Variants in CD160 observed in about 807,000 individuals in gnomAD.
CD160 encodes the protein CD160 molecule.
CD160 carries 11 observed loss-of-function variants against 19.2 expected under a neutral mutation model. The ratio of observed to expected loss-of-function variants is 0.57; its 90% CI spans 0.36 to 0.95. The LOEUF is 0.95. CD160 is among the 40% of genes least tolerant of loss of function. The pLI, the probability that CD160 is intolerant of heterozygous loss-of-function variation, is 0.01. For missense variants in CD160, 182 were observed against 213.2 expected, an observed-to-expected ratio of 0.85 and a Z score of 0.91; for synonymous variants, 75 against 81.1, an observed-to-expected ratio of 0.93 and a Z score of 0.40.
chr1:145,735,873 G>C (rs587619167), intron 4 of CD160, 124 bp from the exon 5 acceptor site: 1 of 689,074 alleles, frequency 1.5e-6, no homozygotes, highest in East Asian at 2.5e-5. Flanking sequence ...ATACTTATTT[G>C]GGCAACGAAT....
At chr1:145,729,225 C>G (rs1342608545) in intron 3 of CD160, among the ~76,000 whole-genome samples, 2 of 152,168 alleles carry the variant, frequency 1.3e-5, no homozygotes, top group Non-Finnish European at 2.9e-5. Context: ...ATCTCTTACT[C>G]TTGTAGGAGA....
At position 145,722,952 on chromosome 1, in the gene CD160, G is replaced by A. The variant is rs587602325; in HGVS notation, c.-178-1849G>A. Among the ~76,000 whole-genome samples the A allele has an allele frequency of 1.6e-4, 24 of 152,224 alleles. No individual in the cohort carries two copies. The South Asian group carries it at 5.0e-3, about 32-fold the overall frequency. On this transcript the variant is annotated intron_variant, in intron 1 of 5. Transcript: ENST00000369288. The stretch of plus-strand genomic sequence containing the variant: ...CAAACACTCTGGCTCTAGAGTCTAC[G>A]CTTTTTAACCATAATTCTGGGCTGA...
chr1:145,728,325 A>C lies in CD160; in HGVS notation c.-3A>C. ...GTTCCTGGGCCTGCTGACAGCGTGC[A>C]GGATGCTGTTGGAACCCGGCAGAGG... On this transcript the variant is annotated 5_prime_UTR_variant, in exon 3 of 6. Transcript: ENST00000369288. 1 of 1,610,284 alleles carries C rather than the reference A, an allele frequency of 6.2e-7. No individual in the cohort carries two copies. The highest frequency in any genetic ancestry group is 8.5e-7 in the Non-Finnish European group (1 of 1,177,462).
At chr1:145,731,127 T>G in intron 4 of CD160, 57 bp downstream of exon 4, 1 of 1,370,444 alleles carries the variant, frequency 7.3e-7, no homozygotes, top group Non-Finnish European at 1.0e-6. Context: ...GGGTTGACAG[T>G]GGAGATGTAA....
At chr1:145,729,289 A>G (rs1285157636) in intron 3 of CD160, among the ~76,000 whole-genome samples, 1 of 152,112 alleles carries the variant, frequency 6.6e-6, no homozygotes, top group Non-Finnish European at 1.5e-5. Context: ...CACCGTTTTC[A>G]TGAGAGTGAA....
Position 145,730,812 on chromosome 1 carries a change from C to A in CD160, c.142C>A (p.His48Asn). Residue 48 changes from histidine (H) to asparagine (N), a missense_variant, in exon 4 of 6, where the codon CAT becomes AAT. Transcript: ENST00000369288. ...TRLNLICTVW[H>N]KKEEAEGFVV... Reference sequence around the variant, plus strand: ...ACTAAACTTAATCTGTACTGTATGGCATAAGAAAGAAGAGGCTGAGGGGTT... The same window carrying A: ...ACTAAACTTAATCTGTACTGTATGGAATAAGAAAGAAGAGGCTGAGGGGTT... 6.2e-7 allele frequency: 1 copy of A among 1,614,142 alleles called. No homozygotes were observed. The highest frequency in any genetic ancestry group is 8.5e-7 in the Non-Finnish European group (1 of 1,180,024).
intron 4 of CD160, among the ~76,000 whole-genome samples, chr1:145,733,145 A>AT (rs1408380651): frequency 2.0e-5 from 3 of 148,996 alleles, no homozygotes; most frequent in African/African-American, 7.4e-5. Flanking sequence ...TTTTTCTTTG[A>AT]TTTTTTGAGA....
intron 4 of CD160, among the ~76,000 whole-genome samples, chr1:145,732,354 G>A (rs1390890239): frequency 6.6e-6 from 1 of 152,072 alleles, no homozygotes; most frequent in Non-Finnish European, 1.5e-5. Context: ...TCCATAAAGG[G>A]GATAAAATGA....
Position 145,731,029 on chromosome 1 carries a change from G to A in CD160, c.359G>A (p.Gly120Asp), listed in dbSNP as rs1657272113. The A allele has an allele frequency of 1.2e-6, 2 of 1,614,148 alleles. No individual in the cohort carries two copies. The highest frequency in any genetic ancestry group is 1.7e-6 in the Non-Finnish European group (2 of 1,180,024). The change falls in exon 4 of 6, where the codon GGT (glycine) becomes GAT (aspartate). Residue 120 changes from glycine to aspartate, a missense_variant. Gly to Asp is a moderately conservative substitution (Grantham distance 94). Coordinates refer to ENST00000369288, the MANE Select transcript of CD160 (RefSeq NM_007053.4). ...YQCCARSQKS[G>D]IRLQGHFFSI... The stretch of plus-strand genomic sequence containing the variant: ...TGTTGTGCCAGAAGCCAGAAGTCAG[G>A]TATCCGCCTTCAGGGCCATTTTTTC...
chr1:145,733,123 CT>C (rs1202723568), intron 4 of CD160, among the ~76,000 whole-genome samples: 12 of 149,970 alleles, frequency 8.0e-5, no homozygotes, highest in African/African-American at 2.2e-4. Flanking sequence ...AACTATCTTA[CT>C]TTTTTTTTTC....
At chr1:145,737,982 T>C (rs931984512) in intron 5 of CD160, 2 of 152,282 alleles carry the variant, frequency 1.3e-5, no homozygotes, top group African/African-American at 4.8e-5. Flanking sequence ...CTTAGTAGAA[T>C]TATTGAAAGA....
At chr1:145,734,116 A>G (rs1391408051) in intron 4 of CD160, among the ~76,000 whole-genome samples, 1 of 152,194 alleles carries the variant, frequency 6.6e-6, no homozygotes, top group Non-Finnish European at 1.5e-5. Context: ...AGCAGTACTT[A>G]GTGGGGAAGA....
intron 5 of CD160, chr1:145,737,298 A>G (rs1195591075): frequency 1.3e-5 from 2 of 151,152 alleles, no homozygotes; most frequent in East Asian, 1.9e-4. Flanking sequence ...CGTCACAGCA[A>G]TTAATACAGA....
chr1:145,729,362 C>A (rs1657191675), intron 3 of CD160, among the ~76,000 whole-genome samples: 1 of 152,098 alleles, frequency 6.6e-6, no homozygotes, highest in Non-Finnish European at 1.5e-5. Context: ...GCGGATCAAG[C>A]TGCCAAGGGA....
chr1:145,726,568 C>A (rs1553708416), intron 2 of CD160, among the ~76,000 whole-genome samples: 13 of 152,054 alleles, frequency 8.5e-5, no homozygotes, highest in Non-Finnish European at 2.9e-5. Flanking sequence ...ACATCACACA[C>A]CGATGACGTT....
chr1:145,724,926 G>C lies in CD160; in HGVS notation c.-73+20G>C, dbSNP rs1391478139. The C allele has an allele frequency of 6.6e-6, 1 of 151,778 alleles. No homozygotes were observed. Among genetic ancestry groups the C allele is most frequent in the African/African-American group, 2.4e-5 (1 of 41,316 alleles). 9.4% of individuals were successfully genotyped at this position (151,778 alleles called of 1,614,324 possible). A position where few individuals can be genotyped will look rare whatever the true frequency, so the allele number is the denominator to read the frequency against. ...CTTCAGGTACGCACCACCACACGTGGCTAATTTTTGTATTTTTTGTAAAGA... is the reference window on the plus strand; with the variant it reads ...CTTCAGGTACGCACCACCACACGTGCCTAATTTTTGTATTTTTTGTAAAGA... On this transcript the variant is annotated intron_variant, in intron 2 of 5. Transcript: ENST00000369288.
chr1:145,737,099 AC>A (rs1242673678), intron 5 of CD160: 2 of 152,054 alleles, frequency 1.3e-5, no homozygotes, highest in African/African-American at 4.8e-5. Flanking sequence ...CCCCAACTAT[AC>A]AAAAAAATAC....
intron 2 of CD160, among the ~76,000 whole-genome samples, chr1:145,725,412 T>C (rs1194494284): frequency 6.6e-6 from 1 of 152,122 alleles, no homozygotes; most frequent in Non-Finnish European, 1.5e-5. Flanking sequence ...GCCACTGCAC[T>C]CCAGCCTGGG....
At chr1:145,729,800 C>T (rs1314623847) in intron 3 of CD160, among the ~76,000 whole-genome samples, 2 of 152,146 alleles carry the variant, frequency 1.3e-5, no homozygotes, top group Non-Finnish European at 2.9e-5. Context: ...CATTCTCACT[C>T]CATTTCCACA....
Sources: allele counts gnomAD v4.1 joint callset (sites outside exome capture counted in the v4.1 genomes callset), GRCh38; gene constraint gnomAD v4.1.1; transcripts MANE v1.5; gene names NCBI Gene and HGNC (gene_info 2026-07-23, HGNC 2026-07-21).